Variants in MAP1S observed in about 807,000 individuals in gnomAD.
The protein encoded by MAP1S is microtubule-associated protein 1S.
Under a neutral mutation model 60.9 loss-of-function variants are expected in MAP1S, and 27 were observed. The ratio of observed to expected loss-of-function variants is 0.44; its 90% CI spans 0.33 to 0.61. MAP1S has a LOEUF of 0.61. Among genes scored for constraint, MAP1S ranks in the 20% least tolerant of loss-of-function variants. The pLI is 0.03. For missense variants in MAP1S, 1,608 were observed against 1,486.6 expected (o/e 1.08, Z -1.34); for synonymous variants, 826 against 694.2 (o/e 1.19, Z -2.98).
rs1189827622 is a variant in MAP1S, at chr19:17,733,296, TGAG to T, written c.2896_2898del (p.Glu966del). The T allele has an allele frequency of 6.9e-6, 11 of 1,587,110 alleles. No individual in the cohort carries two copies. The highest frequency in any genetic ancestry group is 2.7e-5 in the African/African-American group (2 of 74,278). ...GCGGGAGCAGCGCCCACCTGGTGGATGAGGAGTTCTTCCAGCGCGTGCGCGCGC... is the reference window on the plus strand; with the variant it reads ...GCGGGAGCAGCGCCCACCTGGTGGATGAGTTCTTCCAGCGCGTGCGCGCGC... On this transcript the variant is annotated inframe_deletion, in exon 6 of 7. Transcript: ENST00000324096.
At chr19:17,720,044 G>T in intron 1 of MAP1S, 1 of 917,068 alleles carries the variant, frequency 1.1e-6, no homozygotes, top group Non-Finnish European at 1.4e-6. Flanking sequence ...AGCAGATATG[G>T]GGGAGGCTGG....
Position 17,725,128 on chromosome 19 carries a change from T to G in MAP1S, c.383T>G (p.Leu128Arg). The change falls in exon 4 of 7, where the codon CTG becomes CGG. Residue 128 changes from leucine (L) to arginine (R), a missense_variant. By Grantham distance (102) the Leu-to-Arg change is moderately radical (BLOSUM62 -2). Around this residue, in one of 4 missense-constraint regions of MAP1S, gnomAD observed 320 missense variants for 393.1 expected, o/e 0.81. Coordinates refer to ENST00000324096, the MANE Select transcript of MAP1S (RefSeq NM_018174.6). This position sits in a 1 kb window ranked among gnomAD's most constrained non-coding sequence, Gnocchi z 4.2. ...AGPCLEETGE[L>R]LLQTGGFSPH... Reference sequence around the variant, plus strand: ...CCCTGCCTGGAGGAGACGGGGGAGCTGCTGCTACAGACAGGGGGCTTCTCG... The same window carrying G: ...CCCTGCCTGGAGGAGACGGGGGAGCGGCTGCTACAGACAGGGGGCTTCTCG... The G allele has an allele frequency of 6.2e-7, 1 of 1,614,128 alleles. No homozygotes were observed. Among genetic ancestry groups the G allele is most frequent in the East Asian group, 2.2e-5 (1 of 44,886 alleles).
intron 1 of MAP1S, chr19:17,720,548 C>T (rs762640193): frequency 6.9e-7 from 1 of 1,456,096 alleles, no homozygotes; most frequent in Non-Finnish European, 9.0e-7. Flanking sequence ...GTCTTAGCAC[C>T]CGAAGGTGCT....
chr19:17,733,862 C>T (rs1019773302), intron 6 of MAP1S, among the ~76,000 whole-genome samples: 8 of 152,200 alleles, frequency 5.3e-5, no homozygotes, highest in African/African-American at 1.4e-4. Flanking sequence ...CCTCACACCG[C>T]GGCCCCTGCC....
Position 17,734,334 on chromosome 19 carries a change from C to T in MAP1S, c.3086C>T (p.Ala1029Val), listed in dbSNP as rs753002286. ...CATACGTGGTACGCAGAGACGCACG[C>T]CCGGCACCAGGCGCTGGGCATCACG... ...AMHTWYAETH[A>V]RHQALGITVL... is the part of the protein sequence containing the mutation. The change falls in exon 7 of 7, where the codon GCC (alanine) becomes GTC (valine). Residue 1029 changes from alanine (A) to valine (V), a missense_variant. Around this residue, in one of 4 missense-constraint regions of MAP1S, gnomAD observed 76 missense variants for 110.1 expected, o/e 0.69. Coordinates refer to ENST00000324096, the MANE Select transcript of MAP1S (RefSeq NM_018174.6). 17 of 1,613,976 alleles carry T rather than the reference C, an allele frequency of 1.1e-5. 1 individual carries two copies. The East Asian group carries it at 1.8e-4, about 17-fold the overall frequency.
In MAP1S at chr19:17,726,562, T is replaced by A; in HGVS notation, c.1178T>A (p.Leu393Gln). Residue 393 changes from leucine (L) to glutamine (Q), a missense_variant, in exon 5 of 7, where the codon CTG becomes CAG. Transcript: ENST00000324096. ...VLFEKMGVGR[L>Q]DMYVLHPPSA... ...TTCGAGAAGATGGGCGTGGGCCGGC[T>A]GGACATGTATGTGCTGCACCCGCCC... is the stretch of plus-strand genomic sequence containing the variant. The A allele has an allele frequency of 6.4e-7, 1 of 1,574,176 alleles. No homozygotes were observed. Among genetic ancestry groups the A allele is most frequent in the Non-Finnish European group, 8.6e-7 (1 of 1,165,258 alleles).
chr19:17,724,196 C>T lies in MAP1S; in HGVS notation c.291C>T (p.Ser97=), dbSNP rs1250279146. The change falls in exon 3 of 7, where the codon TCC becomes TCT. Residue 97 remains serine (S), a synonymous_variant. Transcript: ENST00000324096. The part of the protein sequence containing the change: ...TLVLLNPSDK[S]LYDELRNLLL... ...TCCTCCTGAACCCATCAGACAAGTC[C>T]CTGTATGATGAGGTAGGGAATGGCT... 1.9e-6 allele frequency: 3 copies of T among 1,613,844 alleles called. No homozygotes were observed. Among genetic ancestry groups the T allele is most frequent in the Non-Finnish European group, 2.5e-6 (3 of 1,179,912 alleles).
At position 17,726,844 on chromosome 19, in the gene MAP1S, T is replaced by A; in HGVS notation, c.1460T>A (p.Leu487His). 1 of 1,554,380 alleles carries A rather than the reference T, an allele frequency of 6.4e-7. No individual in the cohort carries two copies. Among genetic ancestry groups the A allele is most frequent in the East Asian group, 2.4e-5 (1 of 41,292 alleles). The change falls in exon 5 of 7, where the codon CTC (leucine) becomes CAC (histidine). Residue 487 changes from leucine to histidine, a missense_variant. Leu to His is a moderately conservative substitution (Grantham distance 99). Coordinates refer to ENST00000324096, the MANE Select transcript of MAP1S (RefSeq NM_018174.6). Reference sequence around the variant, plus strand: ...CGGGACAGCTCGAAGAGAGAGGGCCTCCTGGCCACCCACCCTAGACCTGGC... The same window carrying A: ...CGGGACAGCTCGAAGAGAGAGGGCCACCTGGCCACCCACCCTAGACCTGGC... ...GSRDSSKREG[L>H]LATHPRPGQE...
Position 17,720,947 on chromosome 19 carries a change from T to C in MAP1S, c.130T>C (p.Trp44Arg). Residue 44 changes from tryptophan (W) to arginine (R), a missense_variant, in exon 2 of 7, where the codon TGG becomes CGG. Around this residue, in one of 4 missense-constraint regions of MAP1S, gnomAD observed 320 missense variants for 393.1 expected, o/e 0.81. Transcript: ENST00000324096. ...CTCCTTCCCACCAGGCATCCGGTCT[T>C]GGGATGTCGATCCTGGCGTCTGCAA... Reference protein sequence around the residue: ...LEELERGIRSWDVDPGVCNLD... With the variant: ...LEELERGIRSRDVDPGVCNLD... The C allele has an allele frequency of 1.2e-6, 2 of 1,613,872 alleles. No individual in the cohort carries two copies. Among genetic ancestry groups the C allele is most frequent in the Non-Finnish European group, 1.7e-6 (2 of 1,179,838 alleles).
intron 3 of MAP1S, 26 bp downstream of exon 3, chr19:17,724,234 G>C (rs201977990): frequency 6.3e-7 from 1 of 1,598,456 alleles, no homozygotes; most frequent in East Asian, 2.2e-5. Flanking sequence ...CGTCCTGGAG[G>C]GGGCGGGCTG....
At position 17,724,973 on chromosome 19, in the gene MAP1S, C is replaced by T. The variant is rs1005226547; in HGVS notation, c.304-76C>T. On this transcript the variant is annotated intron_variant, in intron 3 of 6. Coordinates refer to ENST00000324096, the MANE Select transcript of MAP1S (RefSeq NM_018174.6). The stretch of plus-strand genomic sequence containing the variant: ...GGAGAGGGGTGGTTATGTATCGACT[C>T]GAGGCTACCCCAAAGAGGACTGCTG... 129 of 1,592,914 alleles carry T rather than the reference C, an allele frequency of 8.1e-5. 1 individual carries two copies. In the Admixed American group the frequency reaches 2.0e-3, roughly 25 times the overall value.
At position 17,725,819 on chromosome 19, in the gene MAP1S, C is replaced by A; in HGVS notation, c.445-10C>A. 1 of 1,607,346 alleles carries A rather than the reference C, an allele frequency of 6.2e-7. No homozygotes were observed. The highest frequency in any genetic ancestry group is 8.5e-7 in the Non-Finnish European group (1 of 1,177,222). ...TCTAGGTGGTCCCTTACCACTCCTC[C>A]TCCATACAGATCCGGGACATCCTGG... On this transcript the variant is annotated splice_polypyrimidine_tract_variant and intron_variant, in intron 4 of 6. Transcript: ENST00000324096. The surrounding 1 kb of genome is among the most constrained non-coding windows in gnomAD (Gnocchi z 4.2).
At position 17,733,324 on chromosome 19, in the gene MAP1S, C is replaced by T. The variant is rs1363163396; in HGVS notation, c.2920C>T (p.Leu974Phe). The T allele has an allele frequency of 8.1e-6, 13 of 1,607,418 alleles. No homozygotes were observed. The highest frequency in any genetic ancestry group is 2.2e-5 in the South Asian group (2 of 89,746). Residue 974 changes from leucine (L) to phenylalanine (F), a missense_variant, in exon 6 of 7, where the codon CTC becomes TTC. By Grantham distance (22) the Leu-to-Phe change is conservative. This residue lies in a region of MAP1S where 1,167 missense variants were observed against 961.4 expected (regional missense o/e 1.21). Coordinates refer to ENST00000324096, the MANE Select transcript of MAP1S (RefSeq NM_018174.6). ...DEEFFQRVRA[L>F]CYVISGQDQR... is the part of the protein sequence containing the mutation. The stretch of plus-strand genomic sequence containing the variant: ...GGAGTTCTTCCAGCGCGTGCGCGCG[C>T]TCTGCTACGTCATCAGTGGCCAGGA...
At chr19:17,730,100 G>A (rs571123792) in intron 5 of MAP1S, among the ~76,000 whole-genome samples, 2 of 152,004 alleles carry the variant, frequency 1.3e-5, no homozygotes, top group South Asian at 2.1e-4. Context: ...AAGCCACCAC[G>A]CCCGACTCAA....
chr19:17,720,385 A>T, intron 1 of MAP1S: 1 of 1,534,702 alleles, frequency 6.5e-7, no homozygotes, highest in Non-Finnish European at 8.7e-7. Context: ...CAGTGGACAC[A>T]GGGATATGGC....
At position 17,733,310 on chromosome 19, in the gene MAP1S, A is replaced by G; in HGVS notation, c.2906A>G (p.Gln969Arg). ...CACCTGGTGGATGAGGAGTTCTTCCAGCGCGTGCGCGCGCTCTGCTACGTC... is the reference window on the plus strand; with the variant it reads ...CACCTGGTGGATGAGGAGTTCTTCCGGCGCGTGCGCGCGCTCTGCTACGTC... ...SAHLVDEEFF[Q>R]RVRALCYVIS... Residue 969 changes from glutamine to arginine, a missense_variant, in exon 6 of 7, where the codon CAG becomes CGG. Transcript: ENST00000324096. 6.3e-7 allele frequency: 1 copy of G among 1,598,260 alleles called. No homozygotes were observed. The highest frequency in any genetic ancestry group is 8.5e-7 in the Non-Finnish European group (1 of 1,173,616).
At position 17,728,138 on chromosome 19, in the gene MAP1S, C is replaced by T. The variant is rs201123896; in HGVS notation, c.2754C>T (p.Ser918=). 133 of 1,607,394 alleles carry T rather than the reference C, an allele frequency of 8.3e-5. No homozygotes were observed. The East Asian group carries it at 3.0e-3, about 36-fold the overall frequency. The part of the protein sequence containing the change: ...KGGRAPLSRK[S]STPKTATRGP... ...GCCGGGCACCCCTGTCCAGAAAGTC[C>T]TCAACCCCCAAGACTGCCACTCGAG... Residue 918 remains serine (S), a synonymous_variant, in exon 5 of 7, where the codon TCC becomes TCT. Coordinates refer to ENST00000324096, the MANE Select transcript of MAP1S (RefSeq NM_018174.6).
intron 2 of MAP1S, 111 bp from the exon 3 acceptor site, chr19:17,724,015 G>T (rs902313961): frequency 2.7e-6 from 2 of 747,636 alleles, no homozygotes; most frequent in Admixed American, 2.1e-5. Flanking sequence ...TCTGCCGTGC[G>T]CCTGTTAATC....
chr19:17,720,227 C>G (rs2080358238), intron 1 of MAP1S: 17 of 1,380,874 alleles, frequency 1.2e-5, no homozygotes, highest in Non-Finnish European at 1.6e-5. Context: ...GTGATGCGCC[C>G]GTGGGTGGAG....
Sources: gnomAD v4.1 joint callset for allele counts (sites outside exome capture counted in the v4.1 genomes callset) on GRCh38, gnomAD v4.1.1 for gene constraint, gnomAD v4.1.1 regional missense constraint, Gnocchi (gnomAD v3.1) non-coding constraint, MANE v1.5 for transcripts, NCBI Gene and HGNC (gene_info 2026-07-23, HGNC 2026-07-21) for gene names.